TARBP1: variants seen among roughly 807,000 people sequenced by gnomAD.
TARBP1 encodes the protein tRNA guanosine 2 -O-methyltransferase TARBP1.
A neutral mutation model predicts 178.6 loss-of-function variants in TARBP1; 144 were observed. The observed-to-expected ratio is 0.81, with a 90% CI of 0.70 to 0.93. TARBP1 has a LOEUF of 0.93. Among genes scored for constraint, TARBP1 ranks in the 40% least tolerant of loss-of-function variants. TARBP1 has a pLI of 0.00. For synonymous variants in TARBP1, 787 were observed against 781.0 expected, an observed-to-expected ratio of 1.01 and a Z score of -0.13; for missense variants, 2,067 against 2,011.7, an observed-to-expected ratio of 1.03 and a Z score of -0.53.
intron 22 of TARBP1, among the ~76,000 whole-genome samples, chr1:234,414,164 C>T (rs1440374424): frequency 1.3e-5 from 2 of 152,208 alleles, no homozygotes; most frequent in East Asian, 3.8e-4. Context: ...TCTGCTGCAA[C>T]TGTTCAACTC....
chr1:234,418,731 C>A (rs752428536), intron 21 of TARBP1, among the ~76,000 whole-genome samples: 14 of 152,222 alleles, frequency 9.2e-5, no homozygotes, highest in Non-Finnish European at 1.9e-4. Flanking sequence ...CCCACAACTA[C>A]CGCACTGTTC....
chr1:234,433,266 AC>A, intron 14 of TARBP1, 143 bp downstream of exon 14: 2 of 869,936 alleles, frequency 2.3e-6, no homozygotes, highest in Non-Finnish European at 3.5e-6. Context: ...AATCTTAACT[AC>A]ATCTTATCAC....
intron 20 of TARBP1, among the ~76,000 whole-genome samples, chr1:234,424,271 A>G (rs777417685): frequency 2.6e-5 from 4 of 152,216 alleles, no homozygotes; most frequent in African/African-American, 4.8e-5. Flanking sequence ...TCATTTAAAC[A>G]TTACATGGGG....
chr1:234,442,474 A>G (rs963448913), intron 12 of TARBP1, among the ~76,000 whole-genome samples: 2 of 152,198 alleles, frequency 1.3e-5, no homozygotes, highest in Non-Finnish European at 2.9e-5. Context: ...CCCAGGGGCT[A>G]TATTATATAG....
In TARBP1 at chr1:234,427,806, T is replaced by C. The variant is rs1663953093; in HGVS notation, c.3061-40A>G. Reference sequence around the variant, plus strand: ...AACCGTCATTTTATCCTTGATTTAGTTTTTAAAAAATCAGTGCTGCTAAAA... The same window carrying C: ...AACCGTCATTTTATCCTTGATTTAGCTTTTAAAAAATCAGTGCTGCTAAAA... On this transcript the variant is annotated intron_variant, in intron 17 of 29. Coordinates refer to ENST00000040877, the MANE Select transcript of TARBP1 (RefSeq NM_005646.4). The C allele has an allele frequency of 2.9e-6, 4 of 1,376,064 alleles. No homozygotes were observed. In the East Asian group the frequency reaches 1.1e-4, roughly 37 times the overall value. 85.2% of individuals were successfully genotyped at this position (1,376,064 alleles called of 1,614,324 possible).
intron 22 of TARBP1, among the ~76,000 whole-genome samples, chr1:234,412,438 A>G (rs1415600504): frequency 1.3e-5 from 2 of 151,146 alleles, no homozygotes; most frequent in Non-Finnish European, 3.0e-5. Context: ...AAAAAAAAAG[A>G]CAATATGGGC....
rs189915386 is a variant in TARBP1 at position 234,403,926 on chromosome 1, G to A, written c.3989+1977C>T. ...TGGTCTCGAACTCCTGACCTCAGGCGATCCACCTACCTTGGCCTCCCAAAG... is the reference window on the plus strand; with the variant it reads ...TGGTCTCGAACTCCTGACCTCAGGCAATCCACCTACCTTGGCCTCCCAAAG... On this transcript the variant is annotated intron_variant, in intron 24 of 29. Coordinates refer to ENST00000040877, the MANE Select transcript of TARBP1 (RefSeq NM_005646.4). 2.5e-3 allele frequency among the ~76,000 whole-genome samples: 378 copies of A among 152,224 alleles called. 2 individuals are homozygous for A. Among genetic ancestry groups the A allele is most frequent in the African/African-American group, 8.3e-3 (344 of 41,504 alleles).
chr1:234,463,863 A>G lies in TARBP1; in HGVS notation c.1373T>C (p.Ile458Thr). The change falls in exon 6 of 30, where the codon ATT becomes ACT. Residue 458 changes from isoleucine (I) to threonine (T), a missense_variant. By Grantham distance (89) the Ile-to-Thr change is moderately conservative (BLOSUM62 -1). Coordinates refer to ENST00000040877, the MANE Select transcript of TARBP1 (RefSeq NM_005646.4). ...CTTTATTTCTTCTGGAAGAAGAGAAATATAAGTGACTAAAAACTTCTGTAA... is the reference window on the plus strand; with the variant it reads ...CTTTATTTCTTCTGGAAGAAGAGAAGTATAAGTGACTAAAAACTTCTGTAA... ...LKLQKFLVTYISLLPEEIKSS... is the reference protein window; with the variant it reads ...LKLQKFLVTYTSLLPEEIKSS... The G allele has an allele frequency of 6.3e-7, 1 of 1,594,338 alleles. No individual in the cohort carries two copies. Among genetic ancestry groups the G allele is most frequent in the Non-Finnish European group, 8.5e-7 (1 of 1,170,002 alleles).
intron 17 of TARBP1, among the ~76,000 whole-genome samples, chr1:234,428,403 G>A (rs1262330284): frequency 1.3e-5 from 2 of 152,096 alleles, no homozygotes; most frequent in Admixed American, 6.5e-5. Flanking sequence ...TTGCCTTCAA[G>A]TATCCGGGTG....
intron 7 of TARBP1, 54 bp from the exon 8 acceptor site, chr1:234,459,380 A>T: frequency 7.4e-7 from 1 of 1,353,676 alleles, no homozygotes; most frequent in Non-Finnish European, 1.0e-6. Flanking sequence ...CAATTCTGAT[A>T]ATTTGTGATT....
At chr1:234,450,386 T>C (rs1666626061) in intron 10 of TARBP1, 42 bp downstream of exon 10, 3 of 1,493,008 alleles carry the variant, frequency 2.0e-6, no homozygotes, top group Non-Finnish European at 2.7e-6. Context: ...TCTTTGAAAA[T>C]ATTTTGGTTA....
intron 9 of TARBP1, among the ~76,000 whole-genome samples, chr1:234,453,398 G>A (rs576301225): frequency 2.7e-5 from 4 of 149,394 alleles, no homozygotes; most frequent in African/African-American, 7.4e-5. Context: ...CTATGTTACC[G>A]AGGCTGGTCT....
Position 234,463,900 on chromosome 1 carries a change from A to G in TARBP1, c.1336T>C (p.Leu446=), listed in dbSNP as rs1323329527. The part of the protein sequence containing the change: ...PGQPIGSCSP[L]GLKLQKFLVT... Reference sequence around the variant, plus strand: ...AAAAACTTCTGTAATTTCAGTCCCAATGGAGAACAGCTTCCTATTGGCTGG... The same window carrying G: ...AAAAACTTCTGTAATTTCAGTCCCAGTGGAGAACAGCTTCCTATTGGCTGG... The change falls in exon 6 of 30, where the codon TTG becomes CTG. Residue 446 remains leucine (L), a synonymous_variant. Transcript: ENST00000040877. 6 of 1,595,754 alleles carry G rather than the reference A, an allele frequency of 3.8e-6. No homozygotes were observed. The highest frequency in any genetic ancestry group is 1.1e-5 in the South Asian group (1 of 87,628).
At chr1:234,448,013 C>T (rs1013078478) in intron 11 of TARBP1, among the ~76,000 whole-genome samples, 3 of 152,180 alleles carry the variant, frequency 2.0e-5, no homozygotes, top group African/African-American at 7.2e-5. Flanking sequence ...AATCGTGGCT[C>T]ACTGCAACCT....
intron 9 of TARBP1, among the ~76,000 whole-genome samples, chr1:234,454,508 G>A (rs1381738113): frequency 1.3e-5 from 2 of 152,116 alleles, no homozygotes; most frequent in Non-Finnish European, 2.9e-5. Flanking sequence ...CCGGCCATGA[G>A]CAGCAATGGT....
Position 234,425,773 on chromosome 1 carries a change from T to A in TARBP1, c.3344A>T (p.Tyr1115Phe), listed in dbSNP as rs772726842. Reference sequence around the variant, plus strand: ...GAATTTGACAGCACAAATTCTCACATAATGGTCTTCTCTCTTAGTACTAAA... The same window carrying A: ...GAATTTGACAGCACAAATTCTCACAAAATGGTCTTCTCTCTTAGTACTAAA... ...VMENTKREDH[Y>F]VRICAVKFLC... is the part of the protein sequence containing the mutation. The change falls in exon 20 of 30, where the codon TAT becomes TTT. Residue 1115 changes from tyrosine to phenylalanine, a missense_variant. Tyr to Phe is a conservative substitution (Grantham distance 22). Transcript: ENST00000040877. 8.2e-6 allele frequency: 13 copies of A among 1,592,534 alleles called. No homozygotes were observed. The Middle Eastern group carries it at 1.5e-3, about 189-fold the overall frequency.
intron 13 of TARBP1, 111 bp from the exon 14 acceptor site, chr1:234,433,682 A>G (rs1387038802): frequency 4.9e-6 from 5 of 1,029,316 alleles, no homozygotes; most frequent in Non-Finnish European, 7.0e-6. Flanking sequence ...CAAGACACTG[A>G]TGAGAAAATA....
intron 22 of TARBP1, among the ~76,000 whole-genome samples, chr1:234,415,194 G>C (rs1407448441): frequency 1.3e-5 from 2 of 152,040 alleles, no homozygotes; most frequent in African/African-American, 2.4e-5. Flanking sequence ...GAGAGACTGA[G>C]GATAGAAGAC....
chr1:234,421,137 G>A (rs1663040321), intron 20 of TARBP1, among the ~76,000 whole-genome samples: 1 of 152,168 alleles, frequency 6.6e-6, no homozygotes, highest in Non-Finnish European at 1.5e-5. Context: ...TGCCCAGGCT[G>A]GAGTGCAATG....
Sources: gnomAD v4.1 joint callset for allele counts (sites outside exome capture counted in the v4.1 genomes callset) on GRCh38, gnomAD v4.1.1 for gene constraint, MANE v1.5 for transcripts, NCBI Gene and HGNC (gene_info 2026-07-23, HGNC 2026-07-21) for gene names.